The following RGS3 variants were observed in gnomAD, a reference collection of about 807,000 sequenced individuals.
RGS3 encodes the protein regulator of G protein signaling 3.
RGS3 carries 80 observed loss-of-function variants against 132.6 expected under a neutral mutation model. The observed-to-expected ratio is 0.60, with a 90% CI of 0.50 to 0.73. The LOEUF (loss-of-function observed/expected upper bound fraction) is 0.73. Ranked by LOEUF, RGS3 falls within the 30% of genes least tolerant of loss-of-function variation. The pLI is 0.00. For synonymous variants in RGS3, 598 were observed against 620.6 expected, an observed-to-expected ratio of 0.96 and a Z score of 0.54; for missense variants, 1,382 against 1,530.8, an observed-to-expected ratio of 0.90 and a Z score of 1.62.
chr9:113,538,728 A>G (rs1286516320), intron 19 of RGS3, among the ~76,000 whole-genome samples: 1 of 152,138 alleles, frequency 6.6e-6, no homozygotes, highest in African/African-American at 2.4e-5. Context: ...AGCAGTTTGG[A>G]CACCTCTTCA....
chr9:113,507,388 C>T lies in RGS3; in HGVS notation c.1187C>T (p.Thr396Ile), dbSNP rs1283485362. The T allele has an allele frequency of 6.2e-7, 1 of 1,613,844 alleles. No homozygotes were observed. Among genetic ancestry groups the T allele is most frequent in the South Asian group, 1.1e-5 (1 of 91,070 alleles). ...CTGCGGCGGGCCTCCTGCAAGTCGA[C>T]ACATGACCTCCAGTCACCCCCCAAC... The change falls in exon 13 of 25, where the codon ACA becomes ATA. Residue 396 changes from threonine to isoleucine, a missense_variant. By Grantham distance (89) the Thr-to-Ile change is moderately conservative. Coordinates refer to ENST00000350696, the Ensembl canonical transcript of RGS3. The surrounding 1 kb of genome is among the most constrained non-coding windows in gnomAD (Gnocchi z 5.0).
At position 113,463,720 on chromosome 9, in the gene RGS3, C is replaced by T. The variant is rs547162460; in HGVS notation, c.415+1519C>T. 69 of 1,478,264 alleles carry T rather than the reference C, an allele frequency of 4.7e-5. 2 individuals are homozygous for T. The East Asian group carries it at 1.6e-3, about 34-fold the overall frequency. 91.6% of individuals were successfully genotyped at this position (1,478,264 alleles called of 1,614,324 possible). ...GCCCTACCTCCCGCTCGCGCTCCTC[C>T]CGCCCTGGAGACTCCGGTTACTGGG... On this transcript the variant is annotated intron_variant, in intron 3 of 24. Coordinates refer to ENST00000350696, the Ensembl canonical transcript of RGS3. This position sits in a 1 kb window ranked among gnomAD's most constrained non-coding sequence, Gnocchi z 4.6.
chr9:113,458,713 T>G (rs944050531), upstream of RGS3, among the ~76,000 whole-genome samples: 2 of 152,232 alleles, frequency 1.3e-5, no homozygotes, highest in Non-Finnish European at 2.9e-5. Flanking sequence ...TGGCCTAGTT[T>G]CGCCACATTT....
intron 3 of RGS3, among the ~76,000 whole-genome samples, chr9:113,471,589 C>T (rs752547902): frequency 1.1e-4 from 17 of 151,426 alleles, no homozygotes; most frequent in Non-Finnish European, 4.4e-5. Flanking sequence ...TTTTTTCCCT[C>T]CCTTTCTGCC....
intron 7 of RGS3, among the ~76,000 whole-genome samples, chr9:113,495,474 C>A (rs1830650443): frequency 6.6e-6 from 1 of 152,214 alleles, no homozygotes; most frequent in African/African-American, 2.4e-5. Flanking sequence ...CTCTTCAGAT[C>A]TACCTAGCAC....
At chr9:113,517,197 G>A (rs1435739207) in intron 15 of RGS3, 2 of 494,950 alleles carry the variant, frequency 4.0e-6, no homozygotes, top group East Asian at 5.6e-5. Context: ...GATGGCGGGG[G>A]CTGGGAGGGC....
upstream of RGS3, among the ~76,000 whole-genome samples, chr9:113,460,082 TCC>T (rs1417819796): frequency 6.6e-6 from 1 of 151,984 alleles, no homozygotes; most frequent in Non-Finnish European, 1.5e-5. Flanking sequence ...GGCTTTCTCT[TCC>T]CTAAACTTGC....
chr9:113,541,844 T>G (rs968945690), intron 19 of RGS3: 2 of 991,252 alleles, frequency 2.0e-6, no homozygotes, highest in Admixed American at 6.1e-5. Context: ...CCACTCATTT[T>G]CCACCTGTAC....
chr9:113,490,692 A>C lies in RGS3; in HGVS notation c.689+4999A>C, dbSNP rs1341835991. ...TTATATAATATATAAAATATAATATATTATATTATATTTTATATTGGTATA... is the reference window on the plus strand; with the variant it reads ...TTATATAATATATAAAATATAATATCTTATATTATATTTTATATTGGTATA... On this transcript the variant is annotated intron_variant, in intron 7 of 24. Coordinates refer to ENST00000350696, the Ensembl canonical transcript of RGS3. Among the ~76,000 whole-genome samples the C allele has an allele frequency of 2.1e-5, 3 of 141,772 alleles. No homozygotes were observed. In the East Asian group the frequency reaches 6.0e-4, roughly 28 times the overall value. The allele number at this position is 141,772 out of a possible 152,430, so 93.0% of individuals were successfully genotyped here.
At chr9:113,460,026 A>T (rs2119156055), upstream of RGS3, among the ~76,000 whole-genome samples, 1 of 148,604 alleles carries the variant, frequency 6.7e-6, no homozygotes, top group South Asian at 2.2e-4. Flanking sequence ...GGGCAACAAG[A>T]GAGAAACTCT....
At chr9:113,514,009 TG>T (rs1270146228) in intron 14 of RGS3, among the ~76,000 whole-genome samples, 1 of 152,192 alleles carries the variant, frequency 6.6e-6, no homozygotes, top group East Asian at 1.9e-4. Context: ...GCGCGTACCC[TG>T]CCACACAGGC....
exon 19 of RGS3, chr9:113,536,912 C>A: frequency 1.9e-6 from 3 of 1,614,014 alleles, no homozygotes; most frequent in Non-Finnish European, 1.7e-6. Flanking sequence ...CACCCCCGGA[C>A]AGCAAGGTAA....
At chr9:113,561,034 T>C (rs1833759174) in intron 19 of RGS3, among the ~76,000 whole-genome samples, 1 of 152,174 alleles carries the variant, frequency 6.6e-6, no homozygotes, top group African/African-American at 2.4e-5. Flanking sequence ...TTCTCTTTTT[T>C]TCTTTTTGAA....
chr9:113,498,969 G>C (rs1308059829), intron 10 of RGS3, among the ~76,000 whole-genome samples: 1 of 149,524 alleles, frequency 6.7e-6, no homozygotes, highest in Non-Finnish European at 1.5e-5. Context: ...GCTGATGCCT[G>C]TAATACCAGC....
intron 19 of RGS3, among the ~76,000 whole-genome samples, chr9:113,570,860 T>C (rs1834256204): frequency 6.6e-6 from 1 of 152,174 alleles, no homozygotes. Context: ...GGTCTCGAAC[T>C]CCTGACCTCA....
intron 19 of RGS3, among the ~76,000 whole-genome samples, chr9:113,543,938 C>T (rs940162595): frequency 3.3e-5 from 5 of 152,190 alleles, no homozygotes; most frequent in South Asian, 2.1e-4. Context: ...TCAAATCGAT[C>T]GAACAATTAA....
At chr9:113,541,655 G>A in intron 19 of RGS3, 1 of 1,173,618 alleles carries the variant, frequency 8.5e-7, no homozygotes, top group Non-Finnish European at 1.1e-6. Context: ...AAAGTCCCAA[G>A]AGGAGAGGAC....
chr9:113,480,132 T>G (rs1830113000), intron 4 of RGS3, among the ~76,000 whole-genome samples: 1 of 152,152 alleles, frequency 6.6e-6, no homozygotes, highest in Admixed American at 6.5e-5. Flanking sequence ...GTGCTGAACT[T>G]GTAGTCAATC....
chr9:113,540,550 C>T (rs1248234603), intron 19 of RGS3, among the ~76,000 whole-genome samples: 1 of 152,196 alleles, frequency 6.6e-6, no homozygotes, highest in African/African-American at 2.4e-5. Flanking sequence ...CGTGAGCCTC[C>T]TGCTCAGTAC....
Sources: gnomAD v4.1 joint callset for allele counts (sites outside exome capture counted in the v4.1 genomes callset) on GRCh38, gnomAD v4.1.1 for gene constraint, Gnocchi (gnomAD v3.1) non-coding constraint, MANE v1.5 for transcripts, NCBI Gene and HGNC (gene_info 2026-07-23, HGNC 2026-07-21) for gene names.